IMPG1: variants seen among roughly 807,000 people sequenced by gnomAD.
IMPG1 encodes the protein interphotoreceptor matrix proteoglycan of 150 kDa.
In IMPG1, 85 loss-of-function variants were observed where a neutral mutation model predicts 92.0. The ratio of observed to expected loss-of-function variants is 0.92; its 90% CI spans 0.78 to 1.11. The LOEUF (loss-of-function observed/expected upper bound fraction) is 1.11. IMPG1 is among the 50% of genes least tolerant of loss of function. The pLI is 0.00. For missense variants in IMPG1, 1,022 were observed against 956.0 expected (o/e 1.07, Z -0.91); for synonymous variants, 367 against 334.1 (o/e 1.10, Z -1.08).
rs554838195 is a variant in IMPG1 at position 75,993,993 on chromosome 6, T to C, written c.1291+8925A>G. Among the ~76,000 whole-genome samples the C allele has an allele frequency of 1.7e-3, 259 of 152,326 alleles. 1 individual carries two copies. Among genetic ancestry groups the C allele is most frequent in the Non-Finnish European group, 3.2e-3 (215 of 68,030 alleles). ...TCTGTGGCATGGTGCAAGCCTCTCC[T>C]CCTGGCCTGAGCTGCTGTGTGCTGG... On this transcript the variant is annotated intron_variant, in intron 12 of 16. Coordinates refer to ENST00000369950, the MANE Select transcript of IMPG1 (RefSeq NM_001563.4).
intron 12 of IMPG1, among the ~76,000 whole-genome samples, chr6:75,986,641 C>T (rs1782722516): frequency 6.6e-6 from 1 of 151,862 alleles, no homozygotes; most frequent in South Asian, 2.1e-4. Context: ...ATAATGAAGG[C>T]TGAAATATAT....
chr6:75,960,050 G>A (rs764669881), intron 12 of IMPG1, among the ~76,000 whole-genome samples: 22 of 152,304 alleles, frequency 1.4e-4, no homozygotes, highest in South Asian at 4.1e-4. Flanking sequence ...TGGGAAAAGC[G>A]TAGTATCTGG....
chr6:76,064,881 T>C (rs1784280809), intron 1 of IMPG1, among the ~76,000 whole-genome samples: 2 of 152,150 alleles, frequency 1.3e-5, no homozygotes. Flanking sequence ...AGTGCTGGCT[T>C]CCTGAGACCT....
At chr6:76,013,011 T>TGG (rs1186034385) in intron 7 of IMPG1, among the ~76,000 whole-genome samples, 1 of 152,074 alleles carries the variant, frequency 6.6e-6, no homozygotes, top group Non-Finnish European at 1.5e-5. Context: ...CACCATGTTC[T>TGG]CATTCACAGG....
Position 76,002,970 on chromosome 6 carries a change from A to C in IMPG1, c.1239T>G (p.Pro413=). The part of the protein sequence containing the change: ...TEDATLSPEL[P]PVEPQLETVD... ...CTGTCTCAAGCTGGGGTTCAACAGG[A>C]GGAAGTTCTGGACTCAAAGTAGCAT... The change falls in exon 12 of 17, where the codon CCT becomes CCG. Residue 413 remains proline, a synonymous_variant. Transcript: ENST00000369950. 2 of 1,613,718 alleles carry C rather than the reference A, an allele frequency of 1.2e-6. No individual in the cohort carries two copies. The highest frequency in any genetic ancestry group is 1.7e-6 in the Non-Finnish European group (2 of 1,179,690).
At chr6:76,065,497 C>T (rs1784294642) in intron 1 of IMPG1, among the ~76,000 whole-genome samples, 1 of 151,980 alleles carries the variant, frequency 6.6e-6, no homozygotes, top group African/African-American at 2.4e-5. Context: ...AATATCAGAG[C>T]TTGAAGGCAG....
chr6:75,954,787 T>G (rs1397634677), intron 12 of IMPG1, among the ~76,000 whole-genome samples: 1 of 152,230 alleles, frequency 6.6e-6, no homozygotes, highest in African/African-American at 2.4e-5. Flanking sequence ...AGTTAATTTT[T>G]GTATAAGGTA....
In IMPG1 at chr6:76,002,899, T is replaced by C. The variant is rs1783021638; in HGVS notation, c.1291+19A>G. ...GCATATGTTGTCATCTAACATAGAC[T>C]TTGTGAGGGGAAACTTACCAGGTAG... On this transcript the variant is annotated intron_variant, in intron 12 of 16. Coordinates refer to ENST00000369950, the MANE Select transcript of IMPG1 (RefSeq NM_001563.4). 1.3e-6 allele frequency: 2 copies of C among 1,590,766 alleles called. No homozygotes were observed. Among genetic ancestry groups the C allele is most frequent in the Admixed American group, 1.7e-5 (1 of 59,932 alleles).
intron 12 of IMPG1, among the ~76,000 whole-genome samples, chr6:75,973,194 G>A (rs1782451055): frequency 6.7e-6 from 1 of 149,134 alleles, no homozygotes; most frequent in South Asian, 2.1e-4. Flanking sequence ...TGCCCAGGCT[G>A]GTCTCAAACT....
intron 7 of IMPG1, among the ~76,000 whole-genome samples, chr6:76,014,970 G>C (rs773217708): frequency 2.0e-4 from 30 of 152,138 alleles, no homozygotes; most frequent in Non-Finnish European, 4.1e-4. Context: ...TAATCTTCTG[G>C]GGACCTTCTA....
chr6:76,023,948 T>C (rs1783479042), intron 5 of IMPG1, among the ~76,000 whole-genome samples: 1 of 152,194 alleles, frequency 6.6e-6, no homozygotes, highest in South Asian at 2.1e-4. Flanking sequence ...AACGTCTTTT[T>C]ACATGTTTAT....
chr6:75,974,634 T>G (rs769143146), intron 12 of IMPG1, among the ~76,000 whole-genome samples: 15 of 151,730 alleles, frequency 9.9e-5, no homozygotes, highest in Non-Finnish European at 1.9e-4. Context: ...GCCTGGCTAA[T>G]TTTTACATTT....
At chr6:75,996,140 G>A (rs1309081868) in intron 12 of IMPG1, among the ~76,000 whole-genome samples, 1 of 152,144 alleles carries the variant, frequency 6.6e-6, no homozygotes, top group Non-Finnish European at 1.5e-5. Flanking sequence ...TGATGGAACG[G>A]TTTCCCATCT....
intron 9 of IMPG1, among the ~76,000 whole-genome samples, chr6:76,006,191 G>C (rs1783094054): frequency 6.6e-6 from 1 of 151,796 alleles, no homozygotes; most frequent in Non-Finnish European, 1.5e-5. Context: ...TATTTTTTGT[G>C]ATCTTATAAG....
chr6:76,060,830 C>G (rs1562388236), intron 1 of IMPG1, among the ~76,000 whole-genome samples: 1 of 152,094 alleles, frequency 6.6e-6, no homozygotes, highest in East Asian at 1.9e-4. Context: ...GAGTGTGATA[C>G]TTTATAATAT....
Position 76,018,841 on chromosome 6 carries a change from G to T in IMPG1, c.684C>A (p.Phe228Leu), listed in dbSNP as rs201624566. 20 of 1,589,728 alleles carry T rather than the reference G, an allele frequency of 1.3e-5. No individual in the cohort carries two copies. Among genetic ancestry groups the T allele is most frequent in the South Asian group, 3.5e-5 (3 of 86,708 alleles). The change falls in exon 7 of 17, where the codon TTC becomes TTA. Residue 228 changes from phenylalanine to leucine, a missense_variant. Transcript: ENST00000369950. ...CCACCCTCTGCTCCTCCAACACAGC[G>T]AATTCTGTTTCTCTTTCCTGAGTTT... is the stretch of plus-strand genomic sequence containing the variant. ...KMPTTERETE[F>L]AVLEEQRVEL... is the part of the protein sequence containing the mutation.
chr6:76,032,916 G>A (rs1783675172), intron 4 of IMPG1, among the ~76,000 whole-genome samples: 1 of 152,140 alleles, frequency 6.6e-6, no homozygotes. Flanking sequence ...TGAAAGGTCT[G>A]GATTAGTTAG....
chr6:76,041,962 C>T lies in IMPG1; in HGVS notation c.232G>A (p.Val78Ile), dbSNP rs752681724. Residue 78 changes from valine (V) to isoleucine (I), a missense_variant, in exon 2 of 17, where the codon GTT (valine) becomes ATT (isoleucine). Physicochemically the swap from Val to Ile is conservative, Grantham distance 29. This residue lies in a region of IMPG1 where 681 missense variants were observed against 583.6 expected (regional missense o/e 1.17). Coordinates refer to ENST00000369950, the MANE Select transcript of IMPG1 (RefSeq NM_001563.4). Reference protein sequence around the residue: ...TKRSAFFPTGVKVCPQESMKQ... With the variant: ...TKRSAFFPTGIKVCPQESMKQ... ...ATGGATTCCTGTGGACAGACTTTAACCCCCGTTGGGAAAAATGCGGATCTT... is the reference window on the plus strand; with the variant it reads ...ATGGATTCCTGTGGACAGACTTTAATCCCCGTTGGGAAAAATGCGGATCTT... 6.2e-7 allele frequency: 1 copy of T among 1,614,022 alleles called. No individual in the cohort carries two copies. Among genetic ancestry groups the T allele is most frequent in the Admixed American group, 1.7e-5 (1 of 60,028 alleles).
At chr6:76,034,836 C>A in intron 2 of IMPG1, 49 bp from the exon 3 acceptor site, 2 of 1,504,046 alleles carry the variant, frequency 1.3e-6, no homozygotes, top group Non-Finnish European at 1.8e-6. Context: ...GTCCCCGTAC[C>A]CAATCCCAAG....
Sources: gnomAD v4.1 joint callset for allele counts (sites outside exome capture counted in the v4.1 genomes callset) on GRCh38, gnomAD v4.1.1 for gene constraint, gnomAD v4.1.1 regional missense constraint, MANE v1.5 for transcripts, NCBI Gene and HGNC (gene_info 2026-07-23, HGNC 2026-07-21) for gene names.